Variants in GRPEL2 observed in about 807,000 individuals in gnomAD.
The protein encoded by GRPEL2 is grpE protein homolog 2, mitochondrial.
In GRPEL2, 18 loss-of-function variants were observed where a neutral mutation model predicts 25.9. That is an observed-to-expected ratio of 0.70 (90% CI 0.48 to 1.03). The LOEUF (loss-of-function observed/expected upper bound fraction) is 1.03, where lower values mean the gene tolerates loss of function less well. Ranked by LOEUF, GRPEL2 falls within the 50% of genes least tolerant of loss-of-function variation. The pLI is 0.00. For synonymous variants in GRPEL2, 106 were observed against 107.9 expected, an observed-to-expected ratio of 0.98 and a Z score of 0.11; for missense variants, 247 against 276.2, an observed-to-expected ratio of 0.89 and a Z score of 0.75.
rs190575656 is a variant in GRPEL2, at chr5:149,348,673, T to C, written c.231+248T>C. 1.6e-4 allele frequency among the ~76,000 whole-genome samples: 24 copies of C among 152,334 alleles called. No individual in the cohort carries two copies. In the East Asian group the frequency reaches 4.6e-3, roughly 29 times the overall value. On this transcript the variant is annotated intron_variant, in intron 2 of 3. Transcript: ENST00000329271. ...TATGTCACAGCACTTAGATATCTGA[T>C]GTTTCAGCAGATTAAAGGAGGTGTA...
rs117360823 is a variant in GRPEL2, at chr5:149,348,482, A to G, written c.231+57A>G. ...CTCTCTCTAGTTTAAATATCCACAT[A>G]AAGTTTTTTATGTCAATTTTCAAAA... On this transcript the variant is annotated intron_variant, in intron 2 of 3. Transcript: ENST00000329271. The G allele has an allele frequency of 6.1e-4, 856 of 1,410,070 alleles. 7 individuals carry two copies. The East Asian group carries it at 0.02, about 32-fold the overall frequency. The allele number at this position is 1,410,070 out of a possible 1,614,324, so 87.3% of individuals were successfully genotyped here.
rs1757813383 is a variant in GRPEL2 at position 149,353,734 on chromosome 5, A to G, written c.*2452A>G. ...ATTTTAGGTTCTTTTGTTATTCAGT[A>G]GTTTTGCAGACTTAAAAGTGTAAAT... On this transcript the variant is annotated 3_prime_UTR_variant, in exon 4 of 4. Transcript: ENST00000329271. 1 of 152,134 alleles carries G rather than the reference A, an allele frequency of 6.6e-6. No homozygotes were observed. Among genetic ancestry groups the G allele is most frequent in the Admixed American group, 6.6e-5 (1 of 15,256 alleles). The allele number at this position is 152,134 out of a possible 1,614,324, so 9.4% of individuals were successfully genotyped here.
At position 149,349,649 on chromosome 5, in the gene GRPEL2, T is replaced by C. The variant is rs1442057568; in HGVS notation, c.232-5T>C. On this transcript the variant is annotated splice_polypyrimidine_tract_variant and splice_region_variant and intron_variant, in intron 2 of 3. Transcript: ENST00000329271. ...CATCCTTTTGATTTTGCTTTTGATA[T>C]TCAGGTGAGATACCAGAGAGCTATA... 1.6e-5 allele frequency: 25 copies of C among 1,587,660 alleles called. No homozygotes were observed. The highest frequency in any genetic ancestry group is 2.1e-5 in the Non-Finnish European group (25 of 1,167,092).
chr5:149,346,388 A>C (rs1757689030), intron 1 of GRPEL2, among the ~76,000 whole-genome samples: 1 of 152,222 alleles, frequency 6.6e-6, no homozygotes, highest in African/African-American at 2.4e-5. Flanking sequence ...TCTGAATAGT[A>C]AAGTAAGCTA....
chr5:149,345,512 G>A lies in GRPEL2; in HGVS notation c.-28G>A. The A allele has an allele frequency of 1.9e-6, 3 of 1,599,090 alleles. No homozygotes were observed. Among genetic ancestry groups the A allele is most frequent in the Non-Finnish European group, 2.6e-6 (3 of 1,172,224 alleles). ...CTCTTCACTCGCAGCAAGTGCGCGT[G>A]CGCTGCCTCTCAGCCCAAATTGGAA... On this transcript the variant is annotated 5_prime_UTR_variant, in exon 1 of 4. Transcript: ENST00000329271.
At position 149,354,497 on chromosome 5, in the gene GRPEL2, A is replaced by C. The variant is rs1236004659; in HGVS notation, c.*3215A>C. 1.3e-5 allele frequency: 2 copies of C among 152,264 alleles called. No homozygotes were observed. Among genetic ancestry groups the C allele is most frequent in the African/African-American group, 4.8e-5 (2 of 41,474 alleles). The allele number at this position is 152,264 out of a possible 1,614,324, so 9.4% of individuals were successfully genotyped here. ...CAAAATCAAATGAGCAAAACTAAGG[A>C]TGAAATGTAATATTCATCAGAACAA... On this transcript the variant is annotated 3_prime_UTR_variant, in exon 4 of 4. Transcript: ENST00000329271.
chr5:149,351,042 G>T lies in GRPEL2; in HGVS notation c.438G>T (p.Gly146=), dbSNP rs1757765555. 3 of 1,614,254 alleles carry T rather than the reference G, an allele frequency of 1.9e-6. No homozygotes were observed. The highest frequency in any genetic ancestry group is 2.5e-6 in the Non-Finnish European group (3 of 1,180,046). ...TCACTCTGGAGAAGGTCTTCCGAGG[G>T]TTGTTGCTTTTAGAAGCAAAGCTGA... The part of the protein sequence containing the change: ...QKLTLEKVFR[G]LLLLEAKLKS... The change falls in exon 4 of 4, where the codon GGG becomes GGT. Residue 146 remains glycine (G), a synonymous_variant. Transcript: ENST00000329271.
intron 3 of GRPEL2, among the ~76,000 whole-genome samples, chr5:149,350,357 A>G (rs373381497): frequency 6.6e-5 from 10 of 152,218 alleles, no homozygotes; most frequent in South Asian, 2.1e-4. Flanking sequence ...ATCTCTAGCA[A>G]CTTCATAGCC....
chr5:149,350,845 C>A, intron 3 of GRPEL2, 73 bp from the exon 4 acceptor site: 1 of 1,520,468 alleles, frequency 6.6e-7, no homozygotes, highest in Admixed American at 1.8e-5. Context: ...TCTATCTAGG[C>A]CTTACCCAAA....
Position 149,351,394 on chromosome 5 carries a change from T to C in GRPEL2, c.*112T>C. On this transcript the variant is annotated 3_prime_UTR_variant, in exon 4 of 4. Transcript: ENST00000329271. Reference sequence around the variant, plus strand: ...GGTACTTCATGTGATATGTTTTGGATTTAGTCATATTGGCTTTATTTCTAA... The same window carrying C: ...GGTACTTCATGTGATATGTTTTGGACTTAGTCATATTGGCTTTATTTCTAA... The C allele has an allele frequency of 8.7e-7, 1 of 1,154,014 alleles. No homozygotes were observed. The highest frequency in any genetic ancestry group is 1.2e-6 in the Non-Finnish European group (1 of 823,894). 71.5% of individuals were successfully genotyped at this position (1,154,014 alleles called of 1,614,324 possible). A position where few individuals can be genotyped will look rare whatever the true frequency, so the allele number is the denominator to read the frequency against.
rs1353374529 is a variant in GRPEL2, at chr5:149,351,689, G to C, written c.*407G>C. On this transcript the variant is annotated 3_prime_UTR_variant, in exon 4 of 4. Coordinates refer to ENST00000329271, the MANE Select transcript of GRPEL2 (RefSeq NM_152407.4). ...GATTGGTTCAACATTTGGGTACTTA[G>C]AGGATAAAGCTTCGTGGTCGTATAA... 1 of 158,238 alleles carries C rather than the reference G, an allele frequency of 6.3e-6. No individual in the cohort carries two copies. The highest frequency in any genetic ancestry group is 1.4e-5 in the Non-Finnish European group (1 of 71,392). 9.8% of individuals were successfully genotyped at this position (158,238 alleles called of 1,614,324 possible). A position where few individuals can be genotyped will look rare whatever the true frequency, so the allele number is the denominator to read the frequency against.
Position 149,348,307 on chromosome 5 carries a change from GA to G in GRPEL2, c.115del (p.Thr39LeufsTer24). ...WPLPFSTATQ[R>X]TAGEDCRSED... ...CTTCCATTCAGCACTGCCACCCAGA[GA>G]ACTGCTGGTGAGGACTGCCGTTCTG... On this transcript the variant is annotated frameshift_variant, in exon 2 of 4. Transcript: ENST00000329271. LOFTEE classifies it high-confidence loss of function. 1 of 1,611,370 alleles carries G rather than the reference GA, an allele frequency of 6.2e-7. No homozygotes were observed. Among genetic ancestry groups the G allele is most frequent in the Non-Finnish European group, 8.5e-7 (1 of 1,179,424 alleles).
rs150803771 is a variant in GRPEL2 at position 149,349,235 on chromosome 5, A to G, written c.232-419A>G. Among the ~76,000 whole-genome samples, 1,340 of 152,268 alleles carry G rather than the reference A, an allele frequency of 8.8e-3. 19 individuals carry two copies. Among genetic ancestry groups the G allele is most frequent in the African/African-American group, 0.031 (1,271 of 41,562 alleles). On this transcript the variant is annotated intron_variant, in intron 2 of 3. Coordinates refer to ENST00000329271, the MANE Select transcript of GRPEL2 (RefSeq NM_152407.4). ...GGTCTCAAACTCCTGACCTCAAGTG[A>G]TTCGCCCATCTCAGCCTCCCAAAGT...
chr5:149,348,559 C>A (rs567686416), intron 2 of GRPEL2, 134 bp downstream of exon 2: 48 of 685,604 alleles, frequency 7.0e-5, no homozygotes, highest in Admixed American at 4.0e-4. Context: ...CCCTCCTCCA[C>A]TCCTTGCTAG....
rs1299654772 is a variant in GRPEL2, at chr5:149,351,856, C to T, written c.*574C>T. On this transcript the variant is annotated 3_prime_UTR_variant, in exon 4 of 4. Coordinates refer to ENST00000329271, the MANE Select transcript of GRPEL2 (RefSeq NM_152407.4). ...TGCTCACATCATTGTCCCATACCCA[C>T]CCCTTTCTCATCCCCATTTGCAGGG... 1 of 152,764 alleles carries T rather than the reference C, an allele frequency of 6.5e-6. No individual in the cohort carries two copies. Among genetic ancestry groups the T allele is most frequent in the African/African-American group, 2.4e-5 (1 of 41,434 alleles). The allele number at this position is 152,764 out of a possible 1,614,324, so 9.5% of individuals were successfully genotyped here.
At chr5:149,347,867 C>T (rs1438213811) in intron 1 of GRPEL2, among the ~76,000 whole-genome samples, 2 of 152,132 alleles carry the variant, frequency 1.3e-5, no homozygotes, top group African/African-American at 2.4e-5. Flanking sequence ...TGACAATGCT[C>T]CTCTGGTTCT....
At position 149,350,875 on chromosome 5, in the gene GRPEL2, G is replaced by A. The variant is rs1400008861; in HGVS notation, c.314-43G>A. On this transcript the variant is annotated intron_variant, in intron 3 of 3. Coordinates refer to ENST00000329271, the MANE Select transcript of GRPEL2 (RefSeq NM_152407.4). The stretch of plus-strand genomic sequence containing the variant: ...CCCAAACTCTATGCCCACGGGCAGA[G>A]TGATTTCCTCACAAACAATAAAAAT... 1.2e-5 allele frequency: 19 copies of A among 1,600,172 alleles called. No individual in the cohort carries two copies. In the East Asian group the frequency reaches 4.0e-4, roughly 34 times the overall value.
chr5:149,348,132 G>A (rs1757718279), intron 1 of GRPEL2, 140 bp from the exon 2 acceptor site: 1 of 692,058 alleles, frequency 1.4e-6, no homozygotes, highest in Admixed American at 3.2e-5. Context: ...TAAGGACTTC[G>A]TAAGTGTTCA....
chr5:149,349,549 TA>T, intron 2 of GRPEL2, 104 bp from the exon 3 acceptor site: 1 of 799,854 alleles, frequency 1.3e-6, no homozygotes, highest in Non-Finnish European at 2.0e-6. Context: ...GTTTGTTTTA[TA>T]AAAACCTATC....
Sources: allele counts gnomAD v4.1 joint callset (sites outside exome capture counted in the v4.1 genomes callset), GRCh38; gene constraint gnomAD v4.1.1; transcripts MANE v1.5; gene names NCBI Gene and HGNC (gene_info 2026-07-23, HGNC 2026-07-21).